CNTNAP5: variants seen among roughly 807,000 people sequenced by gnomAD.
CNTNAP5 encodes contactin associated protein family member 5, also known as contactin-associated protein-like 5.
In CNTNAP5, 72 loss-of-function variants were observed where a neutral mutation model predicts 150.2. The observed-to-expected ratio is 0.48, with a 90% CI of 0.40 to 0.58. The LOEUF is 0.58. Ranked by LOEUF, CNTNAP5 falls within the 20% of genes least tolerant of loss-of-function variation. CNTNAP5 has a pLI of 0.00. For missense variants in CNTNAP5, 1,636 were observed against 1,626.2 expected (o/e 1.01, Z -0.10); for synonymous variants, 672 against 619.8 (o/e 1.08, Z -1.25).
At chr2:124,391,573 T>G (rs1458839630) in intron 3 of CNTNAP5, among the ~76,000 whole-genome samples, 1 of 152,212 alleles carries the variant, frequency 6.6e-6, no homozygotes, top group Admixed American at 6.5e-5. Flanking sequence ...CTCTGAGTCT[T>G]TTGTTTTAAC....
chr2:124,707,140 GGAAGAA>G (rs76714465), intron 13 of CNTNAP5, among the ~76,000 whole-genome samples: 5,061 of 86,234 alleles, frequency 0.059, 339 homozygotes, highest in Middle Eastern at 0.089. Flanking sequence ...AAGAAGAAGA[GGAAGAA>G]GAAGAAGAAG....
At chr2:124,419,021 C>T (rs1444135160) in intron 4 of CNTNAP5, among the ~76,000 whole-genome samples, 1 of 149,158 alleles carries the variant, frequency 6.7e-6, no homozygotes, top group Non-Finnish European at 1.5e-5. Flanking sequence ...GTAGTCCCAG[C>T]TACTCGGGAG....
In CNTNAP5 at chr2:124,222,363, T is replaced by C. The variant is rs561303244; in HGVS notation, c.187+554T>C. 6.6e-5 allele frequency among the ~76,000 whole-genome samples: 10 copies of C among 151,738 alleles called. No homozygotes were observed. In the East Asian group the frequency reaches 1.7e-3, roughly 26 times the overall value. ...GCACCTCCTTAACTAATCTCTCATATGAAATGTTGTTAACAAATATGATGT... is the reference window on the plus strand; with the variant it reads ...GCACCTCCTTAACTAATCTCTCATACGAAATGTTGTTAACAAATATGATGT... On this transcript the variant is annotated intron_variant, in intron 2 of 23. Coordinates refer to ENST00000682447, the MANE Select transcript of CNTNAP5 (RefSeq NM_001367498.1).
At chr2:124,410,069 G>C (rs572915473) in intron 3 of CNTNAP5, among the ~76,000 whole-genome samples, 63 of 152,200 alleles carry the variant, frequency 4.1e-4, no homozygotes, top group African/African-American at 1.5e-3. Flanking sequence ...AAAAAAGGCA[G>C]GGGTTGCCAT....
chr2:124,551,558 T>C (rs754439724), intron 10 of CNTNAP5, among the ~76,000 whole-genome samples: 3 of 152,194 alleles, frequency 2.0e-5, no homozygotes, highest in Non-Finnish European at 4.4e-5. Flanking sequence ...ATAACACAGC[T>C]TACATTAGTC....
chr2:124,599,077 G>T lies in CNTNAP5; in HGVS notation c.1757-10724G>T, dbSNP rs377063004. ...CTAGTGAGATGAACCCGGTACCTCA[G>T]ATGGAAATGCAGAAATCACCCGTCT... On this transcript the variant is annotated intron_variant, in intron 11 of 23. Coordinates refer to ENST00000682447, the MANE Select transcript of CNTNAP5 (RefSeq NM_001367498.1). Among the ~76,000 whole-genome samples, 27 of 152,278 alleles carry T rather than the reference G, an allele frequency of 1.8e-4. No homozygotes were observed. The South Asian group carries it at 5.2e-3, about 29-fold the overall frequency.
intron 13 of CNTNAP5, among the ~76,000 whole-genome samples, chr2:124,674,229 G>A (rs905515849): frequency 2.6e-5 from 4 of 152,036 alleles, no homozygotes; most frequent in Admixed American, 6.6e-5. Flanking sequence ...TTATTTGTGT[G>A]TAATCTTTAA....
chr2:124,563,483 C>G (rs1342968571), intron 11 of CNTNAP5, among the ~76,000 whole-genome samples, 160 bp downstream of exon 11: 4 of 152,130 alleles, frequency 2.6e-5, no homozygotes, highest in African/African-American at 9.7e-5. Context: ...TTGTTGGGCT[C>G]AGAGGATGCA....
chr2:124,563,187 T>A, intron 10 of CNTNAP5, 30 bp from the exon 11 acceptor site: 1 of 1,427,402 alleles, frequency 7.0e-7, no homozygotes, highest in Non-Finnish European at 9.7e-7. Context: ...TTTGGTTTAT[T>A]TTCTTTTCAT....
chr2:124,093,358 T>C (rs976164231), intron 1 of CNTNAP5, among the ~76,000 whole-genome samples: 4 of 152,226 alleles, frequency 2.6e-5, no homozygotes, highest in Non-Finnish European at 5.9e-5. Flanking sequence ...TAGAAGAGAC[T>C]GGCACATGAT....
chr2:124,645,962 C>T (rs978301737), intron 12 of CNTNAP5, among the ~76,000 whole-genome samples: 9 of 152,070 alleles, frequency 5.9e-5, no homozygotes, highest in African/African-American at 1.2e-4. Context: ...ATGTCACTGT[C>T]GCAAAGACAG....
At chr2:124,602,416 A>G (rs1697008191) in intron 11 of CNTNAP5, among the ~76,000 whole-genome samples, 1 of 150,868 alleles carries the variant, frequency 6.6e-6, no homozygotes, top group Admixed American at 6.6e-5. Context: ...CAGGCTCAAC[A>G]GTTATCAATA....
rs543439084 is a variant in CNTNAP5, at chr2:124,553,560, G to T, written c.1650-9657G>T. On this transcript the variant is annotated intron_variant, in intron 10 of 23. Coordinates refer to ENST00000682447, the MANE Select transcript of CNTNAP5 (RefSeq NM_001367498.1). ...GGAAAATAAAAGGATTGATTATGCA[G>T]TCTCAAAAAAAAGAATGCAAATAAA... Among the ~76,000 whole-genome samples, 13 of 149,120 alleles carry T rather than the reference G, an allele frequency of 8.7e-5. No individual in the cohort carries two copies. In the East Asian group the frequency reaches 2.6e-3, roughly 29 times the overall value.
intron 1 of CNTNAP5, among the ~76,000 whole-genome samples, chr2:124,075,480 A>G (rs1408695650): frequency 1.3e-5 from 2 of 152,154 alleles, no homozygotes; most frequent in African/African-American, 2.4e-5. Context: ...CTAAGTTCTT[A>G]GCCTGCATGT....
intron 12 of CNTNAP5, among the ~76,000 whole-genome samples, chr2:124,618,185 A>G (rs1013461102): frequency 6.6e-6 from 1 of 152,150 alleles, no homozygotes; most frequent in African/African-American, 2.4e-5. Flanking sequence ...CTCAGATTCA[A>G]CAGAATAGAA....
intron 13 of CNTNAP5, among the ~76,000 whole-genome samples, chr2:124,692,631 T>A (rs1487595679): frequency 2.6e-5 from 4 of 152,090 alleles, no homozygotes; most frequent in African/African-American, 9.7e-5. Flanking sequence ...GACATGAAGG[T>A]TGGTACAAAC....
At position 124,918,242 on chromosome 2, in the gene CNTNAP5, G is replaced by A. The variant is rs949211474; in HGVS notation, c.*3954G>A. 2.0e-5 allele frequency among the ~76,000 whole-genome samples: 3 copies of A among 152,014 alleles called. No individual in the cohort carries two copies. Among genetic ancestry groups the A allele is most frequent in the Middle Eastern group, 6.8e-3 (2 of 294 alleles). On this transcript the variant is annotated 3_prime_UTR_variant, in exon 24 of 24. Coordinates refer to ENST00000682447, the MANE Select transcript of CNTNAP5 (RefSeq NM_001367498.1). Reference sequence around the variant, plus strand: ...ATGTGTTTATGACCTATTGCATGCCGTTGTTCTTCCAGATGTTCCTGAAGG... The same window carrying A: ...ATGTGTTTATGACCTATTGCATGCCATTGTTCTTCCAGATGTTCCTGAAGG...
intron 3 of CNTNAP5, among the ~76,000 whole-genome samples, chr2:124,312,337 C>CT (rs1010678345): frequency 1.1e-4 from 17 of 152,152 alleles, no homozygotes; most frequent in African/African-American, 3.1e-4. Flanking sequence ...TGAGTTATTT[C>CT]TTTTTTTATT....
intron 13 of CNTNAP5, among the ~76,000 whole-genome samples, chr2:124,700,992 T>C (rs1227527368): frequency 6.6e-6 from 1 of 152,086 alleles, no homozygotes; most frequent in Non-Finnish European, 1.5e-5. Flanking sequence ...TTACGCATTT[T>C]TTTTGTTTGT....
Sources: allele counts gnomAD v4.1 joint callset (sites outside exome capture counted in the v4.1 genomes callset), GRCh38; gene constraint gnomAD v4.1.1; transcripts MANE v1.5; gene names NCBI Gene and HGNC (gene_info 2026-07-23, HGNC 2026-07-21).